The following ENTREP2 variants were observed in gnomAD, a reference collection of about 807,000 sequenced individuals.
ENTREP2 encodes protein ENTREP2.
the ENTREP2 span, among the ~76,000 whole-genome samples, chr15:29,250,435 T>C: frequency 2.6e-5 from 4 of 152,192 alleles, no homozygotes; most frequent in African/African-American, 4.8e-5. Flanking sequence ...ATGTTCTTTT[T>C]ATGTATCCGT....
At chr15:29,483,668 C>G in the ENTREP2 span, among the ~76,000 whole-genome samples, 2 of 152,196 alleles carry the variant, frequency 1.3e-5, no homozygotes, top group African/African-American at 4.8e-5. Context: ...TTAATCAAGA[C>G]TACACTATCC....
the ENTREP2 span, among the ~76,000 whole-genome samples, chr15:29,503,785 C>T: frequency 0.011 from 1,721 of 152,240 alleles, 30 homozygotes; most frequent in African/African-American, 0.04. Flanking sequence ...AATTCTTTAA[C>T]TTGTAAATGT....
chr15:29,643,762 C>T, the ENTREP2 span, among the ~76,000 whole-genome samples: 13 of 140,074 alleles, frequency 9.3e-5, no homozygotes, highest in African/African-American at 3.0e-4. Flanking sequence ...GCCTGGGTGA[C>T]GGAGCGAGAC....
chr15:29,651,705 G>A, the ENTREP2 span, among the ~76,000 whole-genome samples: 2 of 152,218 alleles, frequency 1.3e-5, no homozygotes, highest in South Asian at 2.1e-4. Flanking sequence ...CAGCCCAGCT[G>A]GGTGTATACA....
chr15:29,143,758 AAG>A, the ENTREP2 span, among the ~76,000 whole-genome samples: 4 of 152,354 alleles, frequency 2.6e-5, no homozygotes, highest in East Asian at 5.8e-4. Flanking sequence ...ACCAGAAATG[AAG>A]AGTTAGTACA....
chr15:29,628,384 T>C, the ENTREP2 span, among the ~76,000 whole-genome samples: 41 of 152,368 alleles, frequency 2.7e-4, no homozygotes, highest in Middle Eastern at 6.8e-3. Flanking sequence ...GAAATTATTC[T>C]ATGTGATCTT....
At chr15:29,588,540 AAGAAAGAGAGAGAG>A in the ENTREP2 span, among the ~76,000 whole-genome samples, 2 of 49,172 alleles carry the variant, frequency 4.1e-5, no homozygotes, top group Non-Finnish European at 4.3e-5. Flanking sequence ...AAGGAAGAGA[AAGAAAGAGAGAGAG>A]AGAGAGAGAG....
At chr15:29,159,138 G>C in the ENTREP2 span, among the ~76,000 whole-genome samples, 4 of 152,278 alleles carry the variant, frequency 2.6e-5, no homozygotes, top group African/African-American at 7.2e-5. Context: ...AGCTCTTAAA[G>C]GTGGCGTGTC....
chr15:29,671,361 C>T, the ENTREP2 span, among the ~76,000 whole-genome samples: 2 of 152,216 alleles, frequency 1.3e-5, no homozygotes, highest in African/African-American at 4.8e-5. Context: ...ATTGTAAGAA[C>T]CTCCTGACTT....
the ENTREP2 span, among the ~76,000 whole-genome samples, chr15:29,532,897 CA>C: frequency 6.6e-6 from 1 of 152,124 alleles, no homozygotes; most frequent in Non-Finnish European, 1.5e-5. Context: ...CATTAAATAG[CA>C]AGACAAAGAT....
At chr15:29,420,362 G>A in the ENTREP2 span, among the ~76,000 whole-genome samples, 3 of 152,154 alleles carry the variant, frequency 2.0e-5, no homozygotes, top group Admixed American at 2.0e-4. Flanking sequence ...GGGAACTCCT[G>A]GGGAAAGGGG....
chr15:29,576,808 G>T, the ENTREP2 span, among the ~76,000 whole-genome samples: 24,766 of 152,044 alleles, frequency 0.16, 2,887 homozygotes, highest in East Asian at 0.49. Context: ...TTATTAACTT[G>T]TTTTTGTTTT....
At chr15:29,128,117 G>A in the ENTREP2 span, among the ~76,000 whole-genome samples, 5 of 152,328 alleles carry the variant, frequency 3.3e-5, no homozygotes, top group African/African-American at 9.6e-5. Context: ...GATCACATGA[G>A]TTATCTAACT....
At chr15:29,156,047 G>A in the ENTREP2 span, among the ~76,000 whole-genome samples, 2 of 152,132 alleles carry the variant, frequency 1.3e-5, no homozygotes, top group Non-Finnish European at 2.9e-5. Context: ...GGCACAGGTG[G>A]GGCTGGAGGG....
the ENTREP2 span, among the ~76,000 whole-genome samples, chr15:29,273,482 G>A: frequency 8.5e-5 from 13 of 152,134 alleles, no homozygotes; most frequent in Non-Finnish European, 1.9e-4. Context: ...ACAGGTGTGA[G>A]CCACCGCTCC....
At chr15:29,172,235 A>C in the ENTREP2 span, among the ~76,000 whole-genome samples, 24 of 152,332 alleles carry the variant, frequency 1.6e-4, no homozygotes, top group African/African-American at 5.1e-4. Context: ...GGATCAAAAA[A>C]GCCAATTCCA....
At chr15:29,390,260 A>G in the ENTREP2 span, among the ~76,000 whole-genome samples, 2 of 152,294 alleles carry the variant, frequency 1.3e-5, no homozygotes, top group African/African-American at 4.8e-5. Context: ...CACCACTCTC[A>G]TGAGAAAAAG....
At chr15:29,216,823 A>G in the ENTREP2 span, among the ~76,000 whole-genome samples, 1 of 152,214 alleles carries the variant, frequency 6.6e-6, no homozygotes, top group Non-Finnish European at 1.5e-5. Context: ...CATCCATAAT[A>G]AAAATGGCTT....
the ENTREP2 span, among the ~76,000 whole-genome samples, chr15:29,642,802 T>C: frequency 6.6e-6 from 1 of 152,112 alleles, no homozygotes. Context: ...TTAGTAGAGA[T>C]GGGATTTCAC....
Sources: gnomAD v4.1 joint callset for allele counts (sites outside exome capture counted in the v4.1 genomes callset) on GRCh38, gnomAD v4.1.1 for gene constraint, MANE v1.5 for transcripts, NCBI Gene and HGNC (gene_info 2026-07-23, HGNC 2026-07-21) for gene names.